The following SRI variants were observed in gnomAD, a reference collection of about 807,000 sequenced individuals.
The protein encoded by SRI is sorcin.
Under a neutral mutation model 33.3 loss-of-function variants are expected in SRI, and 30 were observed. That is an observed-to-expected ratio of 0.90 (90% CI 0.67 to 1.22). The LOEUF (loss-of-function observed/expected upper bound fraction) is 1.22. Among genes scored for constraint, SRI ranks in the 50% most tolerant of loss-of-function variants. The pLI is 0.00. For missense variants in SRI, 243 were observed against 250.8 expected, an observed-to-expected ratio of 0.97 and a Z score of 0.21; for synonymous variants, 75 against 89.9, an observed-to-expected ratio of 0.83 and a Z score of 0.94.
chr7:88,222,873 G>A (rs530153244), upstream of SRI, among the ~76,000 whole-genome samples: 16 of 151,978 alleles, frequency 1.1e-4, no homozygotes, highest in East Asian at 1.7e-3. Flanking sequence ...AGATTTAAAC[G>A]TTAGACCTAA....
chr7:88,221,440 A>G (rs865876830), upstream of SRI, among the ~76,000 whole-genome samples: 1 of 152,222 alleles, frequency 6.6e-6, no homozygotes, highest in Non-Finnish European at 1.5e-5. Flanking sequence ...TAGATGAGAC[A>G]TCTAATGAGT....
At chr7:88,219,147 A>T (rs1339161475) in intron 1 of SRI, 2 of 593,602 alleles carry the variant, frequency 3.4e-6, no homozygotes, top group Non-Finnish European at 6.0e-6. Context: ...GACTTAGACC[A>T]TAAAGAGTTG....
upstream of SRI, among the ~76,000 whole-genome samples, chr7:88,220,509 G>A (rs1048149116): frequency 2.6e-5 from 4 of 152,190 alleles, no homozygotes; most frequent in Non-Finnish European, 5.9e-5. Flanking sequence ...GTGCCAGTGG[G>A]TGAAGGAGTC....
chr7:88,215,455 T>A (rs1465340007), intron 3 of SRI, among the ~76,000 whole-genome samples: 1 of 152,240 alleles, frequency 6.6e-6, no homozygotes. Context: ...TGATAAACCC[T>A]GCTAATAGGC....
chr7:88,218,992 T>C, intron 1 of SRI, 50 bp from the exon 2 acceptor site: 2 of 1,556,276 alleles, frequency 1.3e-6, no homozygotes, highest in Non-Finnish European at 1.8e-6. Flanking sequence ...CAAGTTTTCT[T>C]CTTTCACCAC....
chr7:88,215,021 G>C, intron 3 of SRI: 1 of 451,648 alleles, frequency 2.2e-6, no homozygotes, highest in Non-Finnish European at 4.4e-6. Flanking sequence ...CTCTAGGTAT[G>C]ACTGCTTCCT....
chr7:88,209,301 C>G (rs1465674569), intron 6 of SRI, 38 bp downstream of exon 6: 1 of 1,519,622 alleles, frequency 6.6e-7, no homozygotes. Flanking sequence ...AAAACTGTGT[C>G]TTGGCTTGTG....
upstream of SRI, among the ~76,000 whole-genome samples, chr7:88,224,512 G>T (rs753271021): frequency 6.6e-6 from 1 of 152,174 alleles, no homozygotes; most frequent in Non-Finnish European, 1.5e-5. Context: ...AAAGACCTCT[G>T]CCTTAGAGAG....
intron 3 of SRI, among the ~76,000 whole-genome samples, chr7:88,213,761 A>ATGC: frequency 1.3e-5 from 2 of 152,246 alleles, no homozygotes; most frequent in South Asian, 4.1e-4. Context: ...CTTTATATGT[A>ATGC]CAACCCTCTT....
Position 88,206,522 on chromosome 7 carries a change from A to C in SRI, c.571-18T>G. 6.2e-7 allele frequency: 1 copy of C among 1,613,690 alleles called. No individual in the cohort carries two copies. ...TGAATGAACTGAAAGAAAAATCAGC[A>C]TTATATGACAGACCTCAAAGCACTT... On this transcript the variant is annotated intron_variant, in intron 7 of 7. Coordinates refer to ENST00000265729, the MANE Select transcript of SRI (RefSeq NM_003130.4).
chr7:88,210,129 C>T lies in SRI; in HGVS notation c.251G>A (p.Arg84Lys). 6.2e-7 allele frequency: 1 copy of T among 1,614,052 alleles called. No homozygotes were observed. The change falls in exon 5 of 8, where the codon AGA becomes AAA. Residue 84 changes from arginine (R) to lysine (K), a missense_variant and splice_region_variant. By Grantham distance (26) the Arg-to-Lys change is conservative. Transcript: ENST00000265729. The part of the protein sequence containing the change: ...TCRLMVSMLD[R>K]DMSGTMGFNE... ...GAAACCCATTGTGCCAGACATATCTCTCTGAACTGTAATCAAGGATTAGAG... is the reference window on the plus strand; with the variant it reads ...GAAACCCATTGTGCCAGACATATCTTTCTGAACTGTAATCAAGGATTAGAG...
At chr7:88,208,462 G>C (rs369377334) in intron 7 of SRI, 45 bp downstream of exon 7, 7 of 1,610,416 alleles carry the variant, frequency 4.3e-6, no homozygotes, top group Non-Finnish European at 5.9e-6. Context: ...CCCATCTGGT[G>C]TACATCCTTT....
At chr7:88,216,732 A>C (rs1851727663) in intron 3 of SRI, 1 of 194,152 alleles carries the variant, frequency 5.2e-6, no homozygotes, top group Admixed American at 5.5e-5. Flanking sequence ...CAAAACCCAA[A>C]TCTGAGAAAT....
At chr7:88,214,217 A>T (rs1301867494) in intron 3 of SRI, among the ~76,000 whole-genome samples, 1 of 152,212 alleles carries the variant, frequency 6.6e-6, no homozygotes, top group African/African-American at 2.4e-5. Flanking sequence ...ATTTGGTGAC[A>T]GCTAAGGACC....
intron 2 of SRI, 83 bp from the exon 3 acceptor site, chr7:88,217,274 A>C (rs1366997961): frequency 8.9e-7 from 1 of 1,126,520 alleles, no homozygotes; most frequent in Non-Finnish European, 1.3e-6. Flanking sequence ...AAGCAATAAC[A>C]ACAAAGAAAA....
chr7:88,225,981 G>T (rs954521830), intron 1 of SRI, among the ~76,000 whole-genome samples: 1 of 152,066 alleles, frequency 6.6e-6, no homozygotes, highest in Non-Finnish European at 1.5e-5. Flanking sequence ...TTTTGTCTGA[G>T]GCTTGTACTG....
intron 1 of SRI, among the ~76,000 whole-genome samples, chr7:88,226,422 GATAA>G (rs1851997056): frequency 6.6e-6 from 1 of 152,082 alleles, no homozygotes; most frequent in Non-Finnish European, 1.5e-5. Flanking sequence ...CAGAACCAGA[GATAA>G]ATAGAGAAGC....
At chr7:88,208,700 A>T in intron 6 of SRI, 135 bp from the exon 7 acceptor site, 1 of 1,365,924 alleles carries the variant, frequency 7.3e-7, no homozygotes, top group South Asian at 1.3e-5. Context: ...TAAACAAAAG[A>T]CCAAAGCAAA....
chr7:88,215,801 C>A (rs1851695013), intron 3 of SRI, among the ~76,000 whole-genome samples: 5 of 152,234 alleles, frequency 3.3e-5, no homozygotes, highest in African/African-American at 1.2e-4. Flanking sequence ...TAATCCACAG[C>A]TAACCATGAA....
Sources: gnomAD v4.1 joint callset for allele counts (sites outside exome capture counted in the v4.1 genomes callset) on GRCh38, gnomAD v4.1.1 for gene constraint, MANE v1.5 for transcripts, NCBI Gene and HGNC (gene_info 2026-07-23, HGNC 2026-07-21) for gene names.